SFMBT1: variants seen among roughly 807,000 people sequenced by gnomAD.
SFMBT1 encodes scm-like with four MBT domains protein 1.
In SFMBT1, 32 loss-of-function variants were observed where a neutral mutation model predicts 108.7. The ratio of observed to expected loss-of-function variants is 0.29; its 90% CI spans 0.22 to 0.40. The LOEUF (loss-of-function observed/expected upper bound fraction) is 0.40, where lower values mean the gene tolerates loss of function less well. Among genes scored for constraint, SFMBT1 ranks in the 10% least tolerant of loss-of-function variants. SFMBT1 has a pLI of 1.00. For synonymous variants in SFMBT1, 348 were observed against 369.5 expected, an observed-to-expected ratio of 0.94 and a Z score of 0.67; for missense variants, 816 against 1,059.6, an observed-to-expected ratio of 0.77 and a Z score of 3.19.
intron 20 of SFMBT1, 100 bp downstream of exon 20, chr3:52,906,013 A>G: frequency 1.5e-6 from 2 of 1,378,322 alleles, no homozygotes; most frequent in Non-Finnish European, 2.0e-6. Context: ...CTTTTGGATC[A>G]AAACATTTTT....
intron 1 of SFMBT1, among the ~76,000 whole-genome samples, chr3:53,016,449 G>A (rs140422378): frequency 6.6e-6 from 1 of 152,212 alleles, no homozygotes; most frequent in Non-Finnish European, 1.5e-5. Context: ...CCACAAGCGT[G>A]AATAACAGCT....
intron 1 of SFMBT1, among the ~76,000 whole-genome samples, chr3:52,973,802 G>A (rs1172482194): frequency 2.6e-5 from 4 of 151,938 alleles, no homozygotes. Flanking sequence ...GGCTAATTTT[G>A]TATTGTGGTA....
At chr3:52,909,042 T>C (rs1321192216) in intron 17 of SFMBT1, among the ~76,000 whole-genome samples, 1 of 152,202 alleles carries the variant, frequency 6.6e-6, no homozygotes, top group Non-Finnish European at 1.5e-5. Context: ...ACATACATAT[T>C]CTAGCTGAGT....
chr3:52,961,999 A>C (rs1203285632), intron 2 of SFMBT1, among the ~76,000 whole-genome samples: 1 of 152,258 alleles, frequency 6.6e-6, no homozygotes, highest in African/African-American at 2.4e-5. Context: ...GAGTTTATTA[A>C]AGAAATAAAT....
chr3:52,943,323 G>A (rs528506936), intron 4 of SFMBT1, 30 bp downstream of exon 4: 10 of 1,613,446 alleles, frequency 6.2e-6, no homozygotes, highest in Admixed American at 3.3e-5. Flanking sequence ...GTAAAATCAC[G>A]TCACGTCTTG....
chr3:53,021,627 C>T (rs1699309013), intron 1 of SFMBT1, among the ~76,000 whole-genome samples: 1 of 151,998 alleles, frequency 6.6e-6, no homozygotes. Flanking sequence ...TGACCTAAGG[C>T]CTTCATCAGG....
chr3:52,999,927 C>T (rs147475073), intron 1 of SFMBT1, among the ~76,000 whole-genome samples: 2,911 of 150,176 alleles, frequency 0.019, 145 homozygotes, highest in African/African-American at 0.067. Flanking sequence ...GGCACAATCT[C>T]GGCTCACTGC....
At chr3:53,015,929 T>C (rs1283264147) in intron 1 of SFMBT1, among the ~76,000 whole-genome samples, 1 of 152,196 alleles carries the variant, frequency 6.6e-6, no homozygotes, top group Non-Finnish European at 1.5e-5. Flanking sequence ...GATTTTCCTC[T>C]TATTTTTTAA....
chr3:52,977,494 G>T (rs1237294687), intron 1 of SFMBT1, among the ~76,000 whole-genome samples: 6 of 151,830 alleles, frequency 4.0e-5, no homozygotes, highest in Non-Finnish European at 7.4e-5. Context: ...GACAGTGTGA[G>T]ACTTCGTATC....
chr3:52,925,078 G>A (rs952434572), intron 10 of SFMBT1, among the ~76,000 whole-genome samples: 19 of 151,958 alleles, frequency 1.3e-4, no homozygotes, highest in African/African-American at 4.6e-4. Context: ...AAAATTAGGC[G>A]AGTGTGCTGG....
chr3:52,964,237 T>C (rs887830502), intron 2 of SFMBT1, among the ~76,000 whole-genome samples: 3 of 152,154 alleles, frequency 2.0e-5, no homozygotes, highest in African/African-American at 7.2e-5. Flanking sequence ...TGGCTGGGCA[T>C]GGTGGCTCAC....
chr3:52,916,698 AC>A (rs1559509424), intron 13 of SFMBT1, among the ~76,000 whole-genome samples: 11 of 150,894 alleles, frequency 7.3e-5, no homozygotes, highest in Middle Eastern at 3.4e-3. Flanking sequence ...AACAACAACA[AC>A]AACAACAAAA....
At chr3:52,936,893 CTTTTTT>C (rs5848969) in intron 4 of SFMBT1, among the ~76,000 whole-genome samples, 1 of 114,990 alleles carries the variant, frequency 8.7e-6, no homozygotes, top group Non-Finnish European at 1.8e-5. Context: ...TTACACATTT[CTTTTTT>C]TTTTTTTTTT....
At chr3:53,041,908 T>G (rs1464954462) in intron 1 of SFMBT1, among the ~76,000 whole-genome samples, 2 of 152,036 alleles carry the variant, frequency 1.3e-5, no homozygotes, top group Non-Finnish European at 2.9e-5. Context: ...ATATCCCAGT[T>G]AGGTAACGAA....
At chr3:52,983,689 A>G (rs1477623057) in intron 1 of SFMBT1, among the ~76,000 whole-genome samples, 1 of 152,196 alleles carries the variant, frequency 6.6e-6, no homozygotes, top group Non-Finnish European at 1.5e-5. Flanking sequence ...AGGCAGAAAA[A>G]CAAAAAGAGC....
intron 1 of SFMBT1, among the ~76,000 whole-genome samples, chr3:53,005,631 C>CAGAAGA (rs1324570170): frequency 6.6e-6 from 1 of 152,078 alleles, no homozygotes; most frequent in African/African-American, 2.4e-5. Flanking sequence ...TTTTGAAAAA[C>CAGAAGA]AGAGGAGAGG....
At chr3:52,947,897 G>A (rs1263531478) in intron 3 of SFMBT1, among the ~76,000 whole-genome samples, 1 of 152,000 alleles carries the variant, frequency 6.6e-6, no homozygotes, top group East Asian at 1.9e-4. Flanking sequence ...ACCATGCCTG[G>A]CTAAGTTTTG....
intron 2 of SFMBT1, among the ~76,000 whole-genome samples, chr3:52,959,306 C>T (rs1012761080): frequency 9.2e-5 from 14 of 152,248 alleles, no homozygotes; most frequent in African/African-American, 2.6e-4. Flanking sequence ...TATTTCAAAT[C>T]GAATCACTTC....
chr3:52,998,208 C>A (rs931923981), intron 1 of SFMBT1, among the ~76,000 whole-genome samples: 1 of 149,748 alleles, frequency 6.7e-6, no homozygotes, highest in Admixed American at 6.7e-5. Flanking sequence ...GAGGCCAACA[C>A]GGAGAAACCC....
Sources: gnomAD v4.1 joint callset for allele counts (sites outside exome capture counted in the v4.1 genomes callset) on GRCh38, gnomAD v4.1.1 for gene constraint, MANE v1.5 for transcripts, NCBI Gene and HGNC (gene_info 2026-07-23, HGNC 2026-07-21) for gene names.